Variants in ADAMTSL1 observed in about 807,000 individuals in gnomAD.
The protein encoded by ADAMTSL1 is ADAMTS-like protein 1.
A neutral mutation model predicts 201.8 loss-of-function variants in ADAMTSL1; 126 were observed. That is an observed-to-expected ratio of 0.62 (90% CI 0.54 to 0.72). The LOEUF is 0.72. Among genes scored for constraint, ADAMTSL1 ranks in the 30% least tolerant of loss-of-function variants. The probability of loss-of-function intolerance (pLI) is 0.00; values close to 1 mark genes in which losing one functional copy is unlikely to be tolerated. For synonymous variants in ADAMTSL1, 1,121 were observed against 903.4 expected (o/e 1.24, Z -4.32); for missense variants, 2,679 against 2,277.8 (o/e 1.18, Z -3.59).
chr9:18,251,350 C>A (rs1377501170), intron 2 of ADAMTSL1, among the ~76,000 whole-genome samples: 1 of 151,964 alleles, frequency 6.6e-6, no homozygotes, highest in African/African-American at 2.4e-5. Flanking sequence ...AGTTTCTAGA[C>A]AAGAAAGTTT....
intron 2 of ADAMTSL1, among the ~76,000 whole-genome samples, chr9:18,280,814 C>T (rs570267669): frequency 1.3e-5 from 2 of 150,962 alleles, no homozygotes; most frequent in East Asian, 1.9e-4. Context: ...TTAAGATTTT[C>T]TGAGACAAAT....
chr9:18,528,410 C>T (rs1191892487), intron 2 of ADAMTSL1, among the ~76,000 whole-genome samples: 1 of 152,084 alleles, frequency 6.6e-6, no homozygotes, highest in African/African-American at 2.4e-5. Flanking sequence ...GTTCTCACCC[C>T]TCACGTATAC....
Position 18,393,739 on chromosome 9 carries a change from A to G in ADAMTSL1, c.208-111090A>G, listed in dbSNP as rs576639610. The stretch of plus-strand genomic sequence containing the variant: ...CAGTGCCTTACTTTTAAGAGAGAAC[A>G]TAGAAAGGCAGCCTTTCTCTCCTGT... On this transcript the variant is annotated intron_variant, in intron 2 of 29. Coordinates refer to the ADAMTSL1 transcript ENST00000680146. Among the ~76,000 whole-genome samples, 21 of 152,316 alleles carry G rather than the reference A, an allele frequency of 1.4e-4. No individual in the cohort carries two copies. In the South Asian group the frequency reaches 4.3e-3, roughly 32 times the overall value.
At chr9:18,064,408 G>C (rs1464389980) in intron 1 of ADAMTSL1, among the ~76,000 whole-genome samples, 1 of 152,148 alleles carries the variant, frequency 6.6e-6, no homozygotes, top group African/African-American at 2.4e-5. Context: ...CTTTCTGGCT[G>C]TTTCTTTTGC....
chr9:18,215,951 A>C (rs188060395), intron 2 of ADAMTSL1, among the ~76,000 whole-genome samples: 34 of 152,326 alleles, frequency 2.2e-4, no homozygotes, highest in African/African-American at 7.7e-4. Flanking sequence ...GTCCATTACG[A>C]GAACTGAGTT....
At chr9:18,307,733 C>T (rs968106492) in intron 2 of ADAMTSL1, among the ~76,000 whole-genome samples, 1 of 152,056 alleles carries the variant, frequency 6.6e-6, no homozygotes, top group African/African-American at 2.4e-5. Flanking sequence ...TAGACTCCCA[C>T]ATAATAATAG....
intron 11 of ADAMTSL1, 187 bp downstream of exon 11, chr9:18,680,703 A>T (rs1488966332): frequency 4.8e-6 from 3 of 622,190 alleles, no homozygotes; most frequent in Non-Finnish European, 8.3e-6. Context: ...ATGTTTTTTT[A>T]AAGTGTCTTT....
At chr9:18,748,126 G>A (rs948260255) in intron 15 of ADAMTSL1, among the ~76,000 whole-genome samples, 3 of 152,162 alleles carry the variant, frequency 2.0e-5, no homozygotes, top group African/African-American at 7.2e-5. Flanking sequence ...TTTTGACAAA[G>A]GGGACAGAAA....
At chr9:17,981,968 G>C (rs1490524817) in intron 1 of ADAMTSL1, among the ~76,000 whole-genome samples, 1 of 152,198 alleles carries the variant, frequency 6.6e-6, no homozygotes, top group Non-Finnish European at 1.5e-5. Flanking sequence ...AAAATCTCAA[G>C]TGTGAGGTAT....
intron 4 of ADAMTSL1, among the ~76,000 whole-genome samples, chr9:18,602,579 A>T (rs1564082068): frequency 1.3e-5 from 2 of 152,158 alleles, no homozygotes; most frequent in African/African-American, 4.8e-5. Flanking sequence ...TATTGCTGCC[A>T]TTCTTTAATT....
At chr9:18,273,807 C>T (rs1832479908) in intron 2 of ADAMTSL1, among the ~76,000 whole-genome samples, 2 of 152,196 alleles carry the variant, frequency 1.3e-5, no homozygotes, top group South Asian at 2.1e-4. Flanking sequence ...GGCTCCATAT[C>T]TTATTACCTA....
chr9:18,262,576 C>T (rs1040473162), intron 2 of ADAMTSL1, among the ~76,000 whole-genome samples: 1 of 151,996 alleles, frequency 6.6e-6, no homozygotes, highest in African/African-American at 2.4e-5. Flanking sequence ...GAGCTTCTTG[C>T]AGGAGTTAGT....
chr9:18,470,675 G>A (rs1043497783), upstream of ADAMTSL1, among the ~76,000 whole-genome samples: 2 of 152,116 alleles, frequency 1.3e-5, no homozygotes, highest in African/African-American at 2.4e-5. Context: ...GACTTGTAAC[G>A]AATTCTCCCC....
At chr9:18,469,570 C>A (rs1821128696), upstream of ADAMTSL1, among the ~76,000 whole-genome samples, 1 of 152,234 alleles carries the variant, frequency 6.6e-6, no homozygotes, top group African/African-American at 2.4e-5. Context: ...GCTGCCTCTT[C>A]CACAGCCAGG....
At position 18,453,552 on chromosome 9, in the gene ADAMTSL1, T is replaced by A. The variant is rs186379600; in HGVS notation, c.208-51277T>A. 1.4e-3 allele frequency among the ~76,000 whole-genome samples: 211 copies of A among 152,324 alleles called. 2 individuals carry two copies. Among genetic ancestry groups the A allele is most frequent in the African/African-American group, 4.8e-3 (198 of 41,570 alleles). On this transcript the variant is annotated intron_variant, in intron 2 of 29. Coordinates refer to the ADAMTSL1 transcript ENST00000680146. ...CTTTTTAGTTTTGCTTCTCTTTTAATTCTAAATTATGTCTTTAAGTCATTT... is the reference window on the plus strand; with the variant it reads ...CTTTTTAGTTTTGCTTCTCTTTTAAATCTAAATTATGTCTTTAAGTCATTT...
intron 2 of ADAMTSL1, among the ~76,000 whole-genome samples, chr9:18,279,733 C>G (rs1490186688): frequency 1.3e-5 from 2 of 152,078 alleles, no homozygotes; most frequent in Non-Finnish European, 2.9e-5. Flanking sequence ...TTTTCTTTAA[C>G]CAAATGTGAA....
chr9:18,651,713 C>T (rs545947224), intron 7 of ADAMTSL1, among the ~76,000 whole-genome samples: 4 of 152,240 alleles, frequency 2.6e-5, no homozygotes, highest in African/African-American at 9.6e-5. Context: ...GGAACAGAAA[C>T]TTTGCGATTT....
In ADAMTSL1 at chr9:18,314,782, C is replaced by CTTTTTTTTTTTTTTTTT. The variant is rs776046209; in HGVS notation, c.207+150817_207+150833dup. On this transcript the variant is annotated intron_variant, in intron 2 of 29. Coordinates refer to the ADAMTSL1 transcript ENST00000680146. Reference sequence around the variant, plus strand: ...TGCCACTGCTGCCTTCGGCAGCGTGCTTTTTTTTTTTTTTTTTTTTTTTTT... The same window carrying CTTTTTTTTTTTTTTTTT: ...TGCCACTGCTGCCTTCGGCAGCGTGCTTTTTTTTTTTTTTTTTTTTTTTTTTTTTTTTTTTTTTTTTT... 6.0e-5 allele frequency among the ~76,000 whole-genome samples: 3 copies of CTTTTTTTTTTTTTTTTT among 49,852 alleles called. 1 individual carries two copies. The highest frequency in any genetic ancestry group is 2.2e-3 in the South Asian group (2 of 914). 32.7% of individuals were successfully genotyped at this position (49,852 alleles called of 152,430 possible).
At position 18,639,287 on chromosome 9, in the gene ADAMTSL1, G is replaced by T. The variant is rs920044516; in HGVS notation, c.710G>T (p.Gly237Val). The change falls in exon 7 of 29, where the codon GGT (glycine) becomes GTT (valine). Residue 237 changes from glycine (G) to valine (V), a missense_variant. Physicochemically the swap from Gly to Val is moderately radical, Grantham distance 109 (BLOSUM62 -3). Coordinates refer to ENST00000380548, the MANE Select transcript of ADAMTSL1 (RefSeq NM_001040272.6). ...LETKTLQGTK[G>V]ENSLSSTGTF... Reference sequence around the variant, plus strand: ...ACCAAAACCCTCCAGGGGACTAAAGGTGAAAACAGTCTCAGCTCCACAGGA... The same window carrying T: ...ACCAAAACCCTCCAGGGGACTAAAGTTGAAAACAGTCTCAGCTCCACAGGA... 5.0e-6 allele frequency: 8 copies of T among 1,612,938 alleles called. No individual in the cohort carries two copies. The highest frequency in any genetic ancestry group is 6.8e-6 in the Non-Finnish European group (8 of 1,179,258).
Sources: gnomAD v4.1 joint callset for allele counts (sites outside exome capture counted in the v4.1 genomes callset) on GRCh38, gnomAD v4.1.1 for gene constraint, MANE v1.5 for transcripts, NCBI Gene and HGNC (gene_info 2026-07-23, HGNC 2026-07-21) for gene names.